ASH1L: variants seen among roughly 807,000 people sequenced by gnomAD.
The protein encoded by ASH1L is histone-lysine N-methyltransferase ASH1L.
In ASH1L, 23 loss-of-function variants were observed where a neutral mutation model predicts 269.0. The ratio of observed to expected loss-of-function variants is 0.09; its 90% confidence interval spans 0.06 to 0.12. The LOEUF (loss-of-function observed/expected upper bound fraction) is 0.12. Ranked by LOEUF, ASH1L falls within the 10% of genes least tolerant of loss-of-function variation. The pLI, the probability that ASH1L is intolerant of heterozygous loss-of-function variation, is 1.00. For missense variants in ASH1L, 2,912 were observed against 3,567.8 expected (o/e 0.82, Z 4.68); for synonymous variants, 1,187 against 1,253.5 (o/e 0.95, Z 1.12).
In ASH1L at chr1:155,336,345, G is replaced by A. The variant is rs1253780803; in HGVS notation, c.*1315C>T. The stretch of plus-strand genomic sequence containing the variant: ...CCAATCACACAGCAGGTGTGTGTGT[G>A]TGTGTGTATATATATACACACACAC... On this transcript the variant is annotated 3_prime_UTR_variant, in exon 28 of 28. Transcript: ENST00000392403. The A allele has an allele frequency of 2.3e-5, 1 of 42,582 alleles. No homozygotes were observed. The highest frequency in any genetic ancestry group is 4.3e-5 in the Non-Finnish European group (1 of 23,244). 2.6% of individuals were successfully genotyped at this position (42,582 alleles called of 1,614,324 possible). A position where few individuals can be genotyped will look rare whatever the true frequency, so the allele number is the denominator to read the frequency against.
At chr1:155,361,719 A>G (rs901048730) in intron 12 of ASH1L, among the ~76,000 whole-genome samples, 1 of 150,974 alleles carries the variant, frequency 6.6e-6, no homozygotes, top group African/African-American at 2.4e-5. Context: ...ACAAACAAAC[A>G]AAAACTAGAC....
At chr1:155,491,995 A>G (rs1204154636) in intron 2 of ASH1L, among the ~76,000 whole-genome samples, 1 of 150,824 alleles carries the variant, frequency 6.6e-6, no homozygotes, top group African/African-American at 2.4e-5. Context: ...TTCATGAAAA[A>G]ATATATTCCA....
intron 1 of ASH1L, among the ~76,000 whole-genome samples, chr1:155,522,654 G>C (rs1232264002): frequency 2.0e-5 from 3 of 151,184 alleles, no homozygotes; most frequent in Non-Finnish European, 2.9e-5. Flanking sequence ...CAGGAAACCA[G>C]ATTACCATAT....
At chr1:155,382,217 G>A (rs1657033040) in intron 7 of ASH1L, among the ~76,000 whole-genome samples, 1 of 149,760 alleles carries the variant, frequency 6.7e-6, no homozygotes, top group African/African-American at 2.5e-5. Context: ...AACCAAACCA[G>A]GCTGGGCGTG....
At chr1:155,394,561 A>G (rs1658199078) in intron 7 of ASH1L, among the ~76,000 whole-genome samples, 1 of 152,172 alleles carries the variant, frequency 6.6e-6, no homozygotes, top group Non-Finnish European at 1.5e-5. Flanking sequence ...AGTAGGATAT[A>G]TTTCAGGGAT....
At chr1:155,546,817 C>T (rs948324063) in intron 1 of ASH1L, among the ~76,000 whole-genome samples, 1 of 151,896 alleles carries the variant, frequency 6.6e-6, no homozygotes, top group African/African-American at 2.4e-5. Flanking sequence ...CCATGATTTT[C>T]ATAATTAAGA....
In ASH1L at chr1:155,357,078, TACACACACACACAC is replaced by T. The variant is rs61213200; in HGVS notation, c.7055+224_7055+237del. ...GGGTGACAGAGTAAGATCCCAGCTC[TACACACACACACAC>T]ACACACACACACACACACACACACA... On this transcript the variant is annotated intron_variant, in intron 15 of 27. Coordinates refer to ENST00000392403, the MANE Select transcript of ASH1L (RefSeq NM_018489.3). 1.0e-3 allele frequency among the ~76,000 whole-genome samples: 53 copies of T among 53,084 alleles called. 1 individual carries two copies. The highest frequency in any genetic ancestry group is 1.7e-3 in the East Asian group (2 of 1,186). 34.8% of individuals were successfully genotyped at this position (53,084 alleles called of 152,430 possible).
chr1:155,415,071 T>C (rs1161370918), intron 6 of ASH1L, among the ~76,000 whole-genome samples: 1 of 152,126 alleles, frequency 6.6e-6, no homozygotes, highest in Non-Finnish European at 1.5e-5. Context: ...GAGCCATTTA[T>C]TGCTTAAGTT....
chr1:155,478,432 C>G lies in ASH1L; in HGVS notation c.4438G>C (p.Glu1480Gln). The G allele has an allele frequency of 1.2e-6, 2 of 1,614,102 alleles. No individual in the cohort carries two copies. Among genetic ancestry groups the G allele is most frequent in the Non-Finnish European group, 1.7e-6 (2 of 1,180,028 alleles). ...PPEMAYGWMV[E>Q]HKHRHRHKHR... ...TTGTGACGGTGCCTGTGTTTGTGCT[C>G]AACCATCCAACCATAGGCCATCTCA... Residue 1480 changes from glutamate to glutamine, a missense_variant, in exon 3 of 28, where the codon GAG (glutamate) becomes CAG (glutamine). Glu to Gln is a conservative substitution (Grantham distance 29). Transcript: ENST00000392403. This position sits in a 1 kb window ranked among gnomAD's most constrained non-coding sequence, Gnocchi z 4.6.
intron 12 of ASH1L, among the ~76,000 whole-genome samples, chr1:155,364,711 G>A (rs112193802): frequency 2.6e-5 from 4 of 151,900 alleles, no homozygotes; most frequent in Non-Finnish European, 4.4e-5. Flanking sequence ...AGGCTGAAGC[G>A]GGCTGACTTA....
intron 6 of ASH1L, among the ~76,000 whole-genome samples, chr1:155,409,521 A>C (rs994937122): frequency 6.6e-6 from 1 of 152,246 alleles, no homozygotes; most frequent in Admixed American, 6.5e-5. Context: ...TTCACTAAGT[A>C]ATCAAAAATG....
chr1:155,450,584 T>C (rs1318684475), intron 4 of ASH1L, among the ~76,000 whole-genome samples: 2 of 152,202 alleles, frequency 1.3e-5, no homozygotes, highest in Non-Finnish European at 2.9e-5. Flanking sequence ...ACTGGAACAT[T>C]TGTACACTGT....
intron 2 of ASH1L, among the ~76,000 whole-genome samples, chr1:155,512,522 G>C (rs2148821191): frequency 6.8e-6 from 1 of 146,362 alleles, no homozygotes; most frequent in East Asian, 2.1e-4. Context: ...TGTGATCTCG[G>C]CTCACTGCAA....
intron 1 of ASH1L, among the ~76,000 whole-genome samples, chr1:155,525,511 AG>A (rs1669190726): frequency 6.6e-6 from 1 of 151,342 alleles, no homozygotes; most frequent in Non-Finnish European, 1.5e-5. Context: ...CCACTGTGCC[AG>A]TTCACCCAAT....
intron 5 of ASH1L, among the ~76,000 whole-genome samples, chr1:155,422,386 G>A (rs957150454): frequency 2.1e-5 from 3 of 143,984 alleles, no homozygotes; most frequent in Non-Finnish European, 4.5e-5. Context: ...TCGCCTCACT[G>A]CAACCTCCGG....
intron 4 of ASH1L, among the ~76,000 whole-genome samples, chr1:155,455,321 A>G (rs1331607100): frequency 6.6e-6 from 1 of 152,162 alleles, no homozygotes; most frequent in African/African-American, 2.4e-5. Flanking sequence ...ATCAATAATA[A>G]TTTTGTTACT....
chr1:155,405,941 C>T (rs138585458), intron 6 of ASH1L, among the ~76,000 whole-genome samples: 25 of 151,814 alleles, frequency 1.6e-4, no homozygotes, highest in African/African-American at 4.8e-4. Flanking sequence ...CTGTAGCTCA[C>T]GTCTGTAATC....
intron 1 of ASH1L, among the ~76,000 whole-genome samples, chr1:155,530,934 T>C (rs1056824550): frequency 4.0e-5 from 6 of 151,690 alleles, no homozygotes. Context: ...CTTGTAGTCC[T>C]AGCTACTCCA....
intron 5 of ASH1L, among the ~76,000 whole-genome samples, chr1:155,432,750 T>C (rs116540837): frequency 6.6e-6 from 1 of 152,212 alleles, no homozygotes; most frequent in African/African-American, 2.4e-5. Context: ...TTTTTGTCGT[T>C]GTTGAGACGA....
Sources: gnomAD v4.1 joint callset for allele counts (sites outside exome capture counted in the v4.1 genomes callset) on GRCh38, gnomAD v4.1.1 for gene constraint, Gnocchi (gnomAD v3.1) non-coding constraint, MANE v1.5 for transcripts, NCBI Gene and HGNC (gene_info 2026-07-23, HGNC 2026-07-21) for gene names.